C8orf58: variants seen among roughly 807,000 people sequenced by gnomAD.
C8orf58 encodes uncharacterized protein C8orf58.
A neutral mutation model predicts 36.8 loss-of-function variants in C8orf58; 31 were observed. The observed-to-expected ratio is 0.84, with a 90% CI of 0.63 to 1.14. C8orf58 has a LOEUF of 1.14. Ranked by LOEUF, C8orf58 falls within the 50% of genes most tolerant of loss-of-function variation. The pLI is 0.00. For synonymous variants in C8orf58, 230 were observed against 200.2 expected (o/e 1.15, Z -1.26); for missense variants, 538 against 480.8 (o/e 1.12, Z -1.11).
rs150454220 is a variant in C8orf58, at chr8:22,600,945, G to A, written c.104G>A (p.Arg35Gln). Residue 35 changes from arginine to glutamine, a missense_variant, in exon 2 of 7, where the codon CGG (arginine) becomes CAG (glutamine). Coordinates refer to ENST00000289989, the MANE Select transcript of C8orf58 (RefSeq NM_001013842.3). Reference sequence around the variant, plus strand: ...CCTGGAGTCACCAGCACCTACAGACGGATCCCCGACGCTGCCCACGGGTGC... The same window carrying A: ...CCTGGAGTCACCAGCACCTACAGACAGATCCCCGACGCTGCCCACGGGTGC... Reference protein sequence around the residue: ...IVPGVTSTYRRIPDAAHGCSS... With the variant: ...IVPGVTSTYRQIPDAAHGCSS... 61 of 1,612,278 alleles carry A rather than the reference G, an allele frequency of 3.8e-5. No homozygotes were observed. In the African/African-American group the frequency reaches 4.7e-4, roughly 12 times the overall value.
At chr8:22,599,939 G>A (rs901217129) in intron 1 of C8orf58, 179 bp downstream of exon 1, 10 of 370,354 alleles carry the variant, frequency 2.7e-5, no homozygotes, top group Non-Finnish European at 4.3e-5. Flanking sequence ...GGGACGCCAT[G>A]CAGGCTGGAA....
At position 22,602,093 on chromosome 8, in the gene C8orf58, C is replaced by T. The variant is rs752247023; in HGVS notation, c.766+13C>T. On this transcript the variant is annotated intron_variant, in intron 4 of 6. Coordinates refer to ENST00000289989, the MANE Select transcript of C8orf58 (RefSeq NM_001013842.3). The stretch of plus-strand genomic sequence containing the variant: ...ACAGAGCACACAGGTGAGGGGCCAT[C>T]GTGTCTCCCTTTGTCCTGCCTGCCT... The T allele has an allele frequency of 9.0e-6, 14 of 1,557,482 alleles. No homozygotes were observed. Among genetic ancestry groups the T allele is most frequent in the South Asian group, 4.7e-5 (4 of 85,072 alleles).
Position 22,603,406 on chromosome 8 carries a change from G to T in C8orf58, c.*100G>T, listed in dbSNP as rs748013206. 1.1e-4 allele frequency: 97 copies of T among 844,868 alleles called. No homozygotes were observed. The highest frequency in any genetic ancestry group is 1.9e-4 in the Non-Finnish European group (93 of 495,908). 52.3% of individuals were successfully genotyped at this position (844,868 alleles called of 1,614,324 possible). A position where few individuals can be genotyped will look rare whatever the true frequency, so the allele number is the denominator to read the frequency against. On this transcript the variant is annotated 3_prime_UTR_variant, in exon 7 of 7. Transcript: ENST00000289989. ...CTGCTTCTCCACATTGCCAGGAAAA[G>T]CTGCTGACGCCTGCCCTCCTCTCTT...
rs138371466 is a variant in C8orf58, at chr8:22,601,006, C to T, written c.165C>T (p.Val55=). 3.7e-5 allele frequency: 60 copies of T among 1,612,644 alleles called. No homozygotes were observed. Among genetic ancestry groups the T allele is most frequent in the East Asian group, 1.6e-4 (7 of 44,894 alleles). The change falls in exon 2 of 7, where the codon GTC becomes GTT. Residue 55 remains valine (V), a synonymous_variant. Transcript: ENST00000289989. ...AGAGAGGTGACAAGTTCAGAGGTGT[C>T]GGCAGGGAGGCACTCTTTCTCAAAC... ...SWERGDKFRG[V]GREALFLKLA...
rs376781326 is a variant in C8orf58 at position 22,601,322 on chromosome 8, G to T, written c.481G>T (p.Asp161Tyr). 5.9e-5 allele frequency: 95 copies of T among 1,597,172 alleles called. No individual in the cohort carries two copies. Among genetic ancestry groups the T allele is most frequent in the Middle Eastern group, 3.3e-4 (2 of 6,016 alleles). The change falls in exon 2 of 7, where the codon GAC (aspartate) becomes TAC (tyrosine). Residue 161 changes from aspartate (D) to tyrosine (Y), a missense_variant. By Grantham distance (160) the Asp-to-Tyr change is radical. Transcript: ENST00000289989. ...AGGGCAACAGGAGTCCATGGAGGCAGACACAGACCTAGAGGCAGGCCTGGA... is the reference window on the plus strand; with the variant it reads ...AGGGCAACAGGAGTCCATGGAGGCATACACAGACCTAGAGGCAGGCCTGGA... ...GAGQQESMEA[D>Y]TDLEAGLEEE...
intron 6 of C8orf58, 100 bp downstream of exon 6, chr8:22,602,743 C>A: frequency 1.3e-6 from 1 of 778,068 alleles, no homozygotes; most frequent in Non-Finnish European, 2.1e-6. Flanking sequence ...CCCCGCAAAA[C>A]TTGAGAGGCA....
At chr8:22,601,942 G>C in intron 3 of C8orf58, 30 bp from the exon 4 acceptor site, 1 of 1,545,676 alleles carries the variant, frequency 6.5e-7, no homozygotes, top group African/African-American at 1.4e-5. Flanking sequence ...CTCTAGCCAG[G>C]CCCTGATCAC....
chr8:22,600,967 G>T lies in C8orf58; in HGVS notation c.126G>T (p.Gly42=). The change falls in exon 2 of 7, where the codon GGG becomes GGT. Residue 42 remains glycine (G), a synonymous_variant. Coordinates refer to ENST00000289989, the MANE Select transcript of C8orf58 (RefSeq NM_001013842.3). Reference sequence around the variant, plus strand: ...GACGGATCCCCGACGCTGCCCACGGGTGCTCATCCTGGGAGAGAGGTGACA... The same window carrying T: ...GACGGATCCCCGACGCTGCCCACGGTTGCTCATCCTGGGAGAGAGGTGACA... The part of the protein sequence containing the change: ...TYRRIPDAAH[G]CSSWERGDKF... 6.2e-7 allele frequency: 1 copy of T among 1,612,712 alleles called. No homozygotes were observed. Among genetic ancestry groups the T allele is most frequent in the South Asian group, 1.1e-5 (1 of 91,076 alleles).
chr8:22,603,102 C>G (rs913421687), intron 6 of C8orf58, 93 bp from the exon 7 acceptor site: 1 of 949,554 alleles, frequency 1.1e-6, no homozygotes, highest in East Asian at 2.4e-5. Flanking sequence ...CACCCAGCTA[C>G]CCACCAGCAG....
At position 22,601,952 on chromosome 8, in the gene C8orf58, C is replaced by A. The variant is rs374972810; in HGVS notation, c.658-20C>A. On this transcript the variant is annotated intron_variant, in intron 3 of 6. Coordinates refer to ENST00000289989, the MANE Select transcript of C8orf58 (RefSeq NM_001013842.3). ...CAGCCCTCTAGCCAGGCCCTGATCA[C>A]CTGTCTCTCCTGTGCATAGGATCCC... 5.2e-6 allele frequency: 8 copies of A among 1,543,842 alleles called. No homozygotes were observed. The highest frequency in any genetic ancestry group is 7.0e-6 in the Non-Finnish European group (8 of 1,142,258).
chr8:22,600,533 C>A (rs961561314), intron 1 of C8orf58: 4 of 300,838 alleles, frequency 1.3e-5, no homozygotes, highest in Non-Finnish European at 2.5e-5. Context: ...TGGGGAGCAG[C>A]GGAAGAGCCT....
chr8:22,603,199 G>A lies in C8orf58; in HGVS notation c.991G>A (p.Glu331Lys), dbSNP rs994723745. The change falls in exon 7 of 7, where the codon GAG becomes AAG. Residue 331 changes from glutamate (E) to lysine (K), a missense_variant. Transcript: ENST00000289989. ...TGTCTTCTTTTCATTCCACAGGATC[G>A]AGTCCAGGGACCTCCCTGAAAGGCC... Reference protein sequence around the residue: ...APPDGSDPRIESRDLPERPQC... With the variant: ...APPDGSDPRIKSRDLPERPQC... 2.5e-6 allele frequency: 4 copies of A among 1,608,562 alleles called. No homozygotes were observed. Among genetic ancestry groups the A allele is most frequent in the South Asian group, 2.2e-5 (2 of 90,972 alleles).
Position 22,603,514 on chromosome 8 carries a change from C to G in C8orf58, c.*208C>G. ...GAGAGGCCCCCAAGATGCCGCAGCT[C>G]CAGGGCTCTTCCTCCTCACCAGAAA... On this transcript the variant is annotated 3_prime_UTR_variant, in exon 7 of 7. Transcript: ENST00000289989. 1 of 610,388 alleles carries G rather than the reference C, an allele frequency of 1.6e-6. No individual in the cohort carries two copies. Among genetic ancestry groups the G allele is most frequent in the Non-Finnish European group, 3.0e-6 (1 of 337,394 alleles). 37.8% of individuals were successfully genotyped at this position (610,388 alleles called of 1,614,324 possible).
At chr8:22,601,505 G>T in intron 2 of C8orf58, 148 bp downstream of exon 2, 1 of 923,822 alleles carries the variant, frequency 1.1e-6, no homozygotes, top group Non-Finnish European at 1.6e-6. Context: ...AGTTCCATTT[G>T]TGCACGGCCA....
At chr8:22,601,581 G>A in intron 2 of C8orf58, 131 bp from the exon 3 acceptor site, 2 of 1,199,094 alleles carry the variant, frequency 1.7e-6, no homozygotes, top group South Asian at 1.5e-5. Context: ...GGGCAGTGGG[G>A]AAGCCGGCTG....
rs552783570 is a variant in C8orf58 at position 22,601,978 on chromosome 8, G to A, written c.664G>A (p.Gly222Ser). 2.6e-6 allele frequency: 4 copies of A among 1,553,722 alleles called. No homozygotes were observed. The highest frequency in any genetic ancestry group is 2.4e-5 in the South Asian group (2 of 82,562). ...LRIQRPPGDP[G>S]EEESTRAPLP... ...CTGTCTCTCCTGTGCATAGGATCCC[G>A]GCGAGGAGGAGTCGACCCGAGCCCC... is the stretch of plus-strand genomic sequence containing the variant. The change falls in exon 4 of 7, where the codon GGC (glycine) becomes AGC (serine). Residue 222 changes from glycine to serine, a missense_variant. Physicochemically the swap from Gly to Ser is moderately conservative, Grantham distance 56. Coordinates refer to ENST00000289989, the MANE Select transcript of C8orf58 (RefSeq NM_001013842.3).
chr8:22,601,991 C>T lies in C8orf58; in HGVS notation c.677C>T (p.Ser226Leu), dbSNP rs149466621. 30 of 1,556,282 alleles carry T rather than the reference C, an allele frequency of 1.9e-5. No homozygotes were observed. Among genetic ancestry groups the T allele is most frequent in the African/African-American group, 1.4e-4 (10 of 73,606 alleles). ...GCATAGGATCCCGGCGAGGAGGAGT[C>T]GACCCGAGCCCCTTTACCGTCCCCG... ...RPPGDPGEEE[S>L]TRAPLPSPLH... Residue 226 changes from serine to leucine, a missense_variant, in exon 4 of 7, where the codon TCG (serine) becomes TTG (leucine). By Grantham distance (145) the Ser-to-Leu change is moderately radical. Coordinates refer to ENST00000289989, the MANE Select transcript of C8orf58 (RefSeq NM_001013842.3).
Position 22,601,277 on chromosome 8 carries a change from C to G in C8orf58, c.436C>G (p.Arg146Gly), listed in dbSNP as rs138794958. 1 of 1,609,740 alleles carries G rather than the reference C, an allele frequency of 6.2e-7. No homozygotes were observed. The highest frequency in any genetic ancestry group is 1.1e-5 in the South Asian group (1 of 90,746). ...CCTGCGGCTGGCAAGCAAGCCTGAG[C>G]GTGAAGTGCCCCTTGGAGCAGGGCA... ...RSLRLASKPE[R>G]EVPLGAGQQE... is the part of the protein sequence containing the mutation. Residue 146 changes from arginine to glycine, a missense_variant, in exon 2 of 7, where the codon CGT becomes GGT. Coordinates refer to ENST00000289989, the MANE Select transcript of C8orf58 (RefSeq NM_001013842.3).
At chr8:22,599,860 G>A in intron 1 of C8orf58, 100 bp downstream of exon 1, 1 of 534,896 alleles carries the variant, frequency 1.9e-6, no homozygotes, top group Non-Finnish European at 2.8e-6. Flanking sequence ...GCCCAGCCCC[G>A]CGCACCCCGC....
Sources: gnomAD v4.1 joint callset for allele counts on GRCh38, gnomAD v4.1.1 for gene constraint, MANE v1.5 for transcripts, NCBI Gene and HGNC (gene_info 2026-07-23, HGNC 2026-07-21) for gene names.